The following DMD variants were observed in gnomAD, a reference collection of about 807,000 sequenced individuals.
DMD encodes the protein mutant dystrophin.
Under a neutral mutation model 330.1 loss-of-function variants are expected in DMD, and 63 were observed. The ratio of observed to expected loss-of-function variants is 0.19; its 90% CI spans 0.16 to 0.24. DMD has a LOEUF of 0.24. Among genes scored for constraint, DMD ranks in the 10% least tolerant of loss-of-function variants. DMD has a pLI of 1.00. For missense variants in DMD, 3,344 were observed against 2,684.1 expected (o/e 1.25, Z -5.43); for synonymous variants, 1,223 against 959.8 (o/e 1.27, Z -5.07).
chrX:32,537,653 G>A (rs1023136884), intron 17 of DMD, among the ~76,000 whole-genome samples: 7 of 111,386 alleles, frequency 6.3e-5, no homozygotes, highest in Non-Finnish European at 1.1e-4. Flanking sequence ...AGTATGAGAG[G>A]GTAAAGGAAA....
intron 44 of DMD, among the ~76,000 whole-genome samples, chrX:32,110,001 C>G (rs2096582277): frequency 9.0e-6 from 1 of 111,549 alleles, no homozygotes; most frequent in Non-Finnish European, 1.9e-5. Flanking sequence ...ATTAACCAGT[C>G]ATTATTTTTC....
chrX:32,339,409 C>G (rs898328545), intron 41 of DMD, among the ~76,000 whole-genome samples: 1 of 111,923 alleles, frequency 8.9e-6, no homozygotes, highest in African/African-American at 3.2e-5. Flanking sequence ...CAGGAGTTCT[C>G]TCATTTTGAA....
intron 45 of DMD, among the ~76,000 whole-genome samples, chrX:31,960,044 C>T (rs1360514546): frequency 9.1e-6 from 1 of 109,726 alleles, no homozygotes; most frequent in Non-Finnish European, 1.9e-5. Flanking sequence ...TAGGTGTGAG[C>T]CACCGCATCT....
intron 61 of DMD, among the ~76,000 whole-genome samples, chrX:31,332,997 C>A (rs964017639): frequency 9.0e-6 from 1 of 111,293 alleles, no homozygotes; most frequent in African/African-American, 3.3e-5. Flanking sequence ...AAGCATGGGA[C>A]CAGGGAACTA....
intron 1 of DMD, among the ~76,000 whole-genome samples, chrX:33,060,563 T>G (rs944675498): frequency 7.2e-5 from 8 of 111,718 alleles, no homozygotes; most frequent in African/African-American, 2.6e-4. Flanking sequence ...CCAGGCGTGG[T>G]GGCTCACGCC....
chrX:32,494,108 C>CTGAAG (rs1377479793), intron 19 of DMD, among the ~76,000 whole-genome samples: 1 of 111,304 alleles, frequency 9.0e-6, no homozygotes, highest in Non-Finnish European at 1.9e-5. Context: ...AATGATAAAA[C>CTGAAG]TACAGTGAAG....
At chrX:33,020,481 C>T (rs911970435) in intron 1 of DMD, among the ~76,000 whole-genome samples, 2 of 111,591 alleles carry the variant, frequency 1.8e-5, no homozygotes, top group Non-Finnish European at 3.8e-5. Context: ...TGAGACCAGC[C>T]AGGCCAACAT....
intron 47 of DMD, among the ~76,000 whole-genome samples, chrX:31,918,001 A>G (rs1192813341): frequency 8.9e-5 from 10 of 111,960 alleles, no homozygotes; most frequent in African/African-American, 2.9e-4. Context: ...TAGCTGAGAT[A>G]CAGTTTTTTC....
chrX:33,015,007 T>C (rs2093773477), intron 2 of DMD, among the ~76,000 whole-genome samples: 2 of 111,320 alleles, frequency 1.8e-5, no homozygotes, highest in Middle Eastern at 4.6e-3. Context: ...GCCTGCTTTA[T>C]CAAAAAATAA....
At chrX:31,933,319 C>T (rs920323386) in intron 45 of DMD, among the ~76,000 whole-genome samples, 4 of 111,188 alleles carry the variant, frequency 3.6e-5, no homozygotes, top group Admixed American at 9.6e-5. Context: ...AACTGTTTTC[C>T]GAATTATGAC....
At chrX:32,621,736 T>C (rs1260754508) in intron 11 of DMD, among the ~76,000 whole-genome samples, 1 of 110,939 alleles carries the variant, frequency 9.0e-6, no homozygotes, top group East Asian at 2.9e-4. Flanking sequence ...TTTTAATGAC[T>C]GGTACAGTCA....
intron 60 of DMD, among the ~76,000 whole-genome samples, chrX:31,351,786 CATACA>C (rs2058441597): frequency 9.6e-6 from 1 of 104,676 alleles, no homozygotes; most frequent in Admixed American, 1.0e-4. Context: ...CAGGGCACCA[CATACA>C]ATACAAAAAT....
At chrX:32,163,654 AG>A in intron 44 of DMD, among the ~76,000 whole-genome samples, 1 of 112,022 alleles carries the variant, frequency 8.9e-6, no homozygotes. Context: ...TGCATGTAAA[AG>A]CTGGTGAGAT....
At chrX:31,395,820 C>T (rs1362699295) in intron 60 of DMD, among the ~76,000 whole-genome samples, 1 of 111,967 alleles carries the variant, frequency 8.9e-6, no homozygotes, top group Non-Finnish European at 1.9e-5. Context: ...TAGATAGCTT[C>T]TGTGTTTTTT....
intron 37 of DMD, among the ~76,000 whole-genome samples, chrX:32,361,088 T>C (rs2097831929): frequency 9.0e-6 from 1 of 110,897 alleles, no homozygotes; most frequent in Admixed American, 9.9e-5. Context: ...CCAAAGATAA[T>C]ACCTTATTTT....
Position 31,874,673 on chromosome X carries a change from C to A in DMD, c.7098+515G>T, listed in dbSNP as rs189871535. 1.2e-4 allele frequency among the ~76,000 whole-genome samples: 13 copies of A among 110,968 alleles called. No homozygotes were observed. In the East Asian group the frequency reaches 1.7e-3, roughly 15 times the overall value. On this transcript the variant is annotated intron_variant, in intron 48 of 78. Coordinates refer to ENST00000357033, the MANE Select transcript of DMD (RefSeq NM_004006.3). ...ATTCCCTGCTTGACTAAACTTTAGT[C>A]AGGCTTCTGAACCTTCGCCTGGGCT...
At position 32,442,614 on chromosome X, in the gene DMD, A is replaced by C. The variant is rs757252678; in HGVS notation, c.3787-1300T>G. On this transcript the variant is annotated intron_variant, in intron 27 of 78. Coordinates refer to ENST00000357033, the MANE Select transcript of DMD (RefSeq NM_004006.3). ...TATTCTCAATAAGGTGAACATTCAC[A>C]TACCCATCAAGACAACAACTCCACT... Among the ~76,000 whole-genome samples the C allele has an allele frequency of 3.2e-3, 359 of 110,853 alleles. 2 individuals are homozygous for C. Among genetic ancestry groups the C allele is most frequent in the Non-Finnish European group, 5.3e-3 (280 of 52,535 alleles).
chrX:32,126,606 G>C (rs934464031), intron 44 of DMD, among the ~76,000 whole-genome samples: 1 of 111,871 alleles, frequency 8.9e-6, no homozygotes, highest in Non-Finnish European at 1.9e-5. Context: ...TGATGTGTTC[G>C]CACAATTAAG....
At chrX:31,852,646 G>A (rs1322605927) in intron 48 of DMD, among the ~76,000 whole-genome samples, 1 of 111,596 alleles carries the variant, frequency 9.0e-6, no homozygotes, top group Non-Finnish European at 1.9e-5. Context: ...AAACGGTTAG[G>A]TTCAGGCTCT....
Sources: gnomAD v4.1 joint callset for allele counts (sites outside exome capture counted in the v4.1 genomes callset) on GRCh38, gnomAD v4.1.1 for gene constraint, MANE v1.5 for transcripts, NCBI Gene and HGNC (gene_info 2026-07-23, HGNC 2026-07-21) for gene names.